CA8: variants seen among roughly 807,000 people sequenced by gnomAD.
CA8 encodes the protein carbonic anhydrase-related protein.
CA8 carries 22 observed loss-of-function variants against 41.4 expected under a neutral mutation model. That is an observed-to-expected ratio of 0.53 (90% CI 0.38 to 0.76). The LOEUF is 0.76. Ranked by LOEUF, CA8 falls within the 30% of genes least tolerant of loss-of-function variation. CA8 has a pLI of 0.00. For synonymous variants in CA8, 121 were observed against 130.6 expected (o/e 0.93, Z 0.50); for missense variants, 270 against 352.8 (o/e 0.77, Z 1.88).
chr8:60,274,730 C>T (rs901141830), intron 2 of CA8, among the ~76,000 whole-genome samples: 2 of 152,134 alleles, frequency 1.3e-5, no homozygotes, highest in Non-Finnish European at 2.9e-5. Flanking sequence ...GACACCAAAT[C>T]TGTCAGCAGC....
At chr8:60,203,331 G>T (rs1426162350) in intron 8 of CA8, among the ~76,000 whole-genome samples, 1 of 152,070 alleles carries the variant, frequency 6.6e-6, no homozygotes, top group African/African-American at 2.4e-5. Flanking sequence ...TTTATTGAAA[G>T]AAAAAGGATA....
chr8:60,209,046 A>C, intron 7 of CA8, 127 bp from the exon 8 acceptor site: 1 of 1,080,084 alleles, frequency 9.3e-7, no homozygotes. Context: ...ATTAAAATTA[A>C]GCTTCAAAAA....
chr8:60,281,246 G>T lies in CA8; in HGVS notation c.-99C>A. The T allele has an allele frequency of 1.2e-6, 1 of 801,426 alleles. No individual in the cohort carries two copies. Among genetic ancestry groups the T allele is most frequent in the Non-Finnish European group, 2.1e-6 (1 of 484,096 alleles). The allele number at this position is 801,426 out of a possible 1,614,324, so 49.6% of individuals were successfully genotyped here. ...GAGCGGAGCGCGCGTGGGGGAGTGT[G>T]AGCACGCGTGAGCGGCAGTGTGAGT... On this transcript the variant is annotated 5_prime_UTR_variant, in exon 1 of 9. Coordinates refer to ENST00000317995, the MANE Select transcript of CA8 (RefSeq NM_004056.6).
intron 3 of CA8, among the ~76,000 whole-genome samples, chr8:60,248,891 G>A (rs975198424): frequency 3.3e-5 from 5 of 152,148 alleles, no homozygotes; most frequent in Non-Finnish European, 7.3e-5. Flanking sequence ...TCCTATTCAT[G>A]AGCATGGAAT....
intron 3 of CA8, among the ~76,000 whole-genome samples, chr8:60,249,930 T>C (rs1252294647): frequency 1.3e-5 from 2 of 152,226 alleles, no homozygotes; most frequent in African/African-American, 4.8e-5. Context: ...AAGGACAACA[T>C]ATGCTACTAT....
chr8:60,213,131 C>A (rs565919386), intron 7 of CA8, among the ~76,000 whole-genome samples: 7 of 152,346 alleles, frequency 4.6e-5, no homozygotes, highest in Admixed American at 3.9e-4. Context: ...CCAATGCTCC[C>A]TCTTCCTTAC....
At chr8:60,243,653 ACCATGTTCC>A (rs1027743265) in intron 3 of CA8, among the ~76,000 whole-genome samples, 2 of 151,890 alleles carry the variant, frequency 1.3e-5, no homozygotes, top group Non-Finnish European at 2.9e-5. Context: ...GAAACTTCTC[ACCATGTTCC>A]CCACTAAATC....
At chr8:60,202,083 GC>G (rs1415210745) in intron 8 of CA8, among the ~76,000 whole-genome samples, 11 of 149,148 alleles carry the variant, frequency 7.4e-5, no homozygotes, top group Non-Finnish European at 1.5e-4. Flanking sequence ...TCGCTCTGTC[GC>G]CCAGGTTGGA....
chr8:60,194,092 T>C (rs1806209690), intron 8 of CA8, among the ~76,000 whole-genome samples: 1 of 152,170 alleles, frequency 6.6e-6, no homozygotes, highest in South Asian at 2.1e-4. Flanking sequence ...TTTCTAAATA[T>C]TCCTTTCTTA....
intron 5 of CA8, among the ~76,000 whole-genome samples, chr8:60,225,643 C>T (rs1346201757): frequency 6.6e-6 from 1 of 152,196 alleles, no homozygotes; most frequent in East Asian, 1.9e-4. Context: ...TAGTATAAAG[C>T]TAATCAAACT....
intron 7 of CA8, among the ~76,000 whole-genome samples, chr8:60,214,225 G>A (rs1352066897): frequency 6.6e-6 from 1 of 152,248 alleles, no homozygotes; most frequent in Non-Finnish European, 1.5e-5. Flanking sequence ...GGCATTTGGT[G>A]AGGGCATTAT....
rs962336893 is a variant in CA8, at chr8:60,185,504, A to G, written c.*4517T>C. On this transcript the variant is annotated 3_prime_UTR_variant, in exon 9 of 9. Transcript: ENST00000317995. ...GCTCAACAAATTCCAAGCAGAATAA[A>G]TACAGACTCACACCCAGATACATCA... Among the ~76,000 whole-genome samples, 1 of 152,122 alleles carries G rather than the reference A, an allele frequency of 6.6e-6. No homozygotes were observed. Among genetic ancestry groups the G allele is most frequent in the Admixed American group, 6.6e-5 (1 of 15,264 alleles).
intron 2 of CA8, among the ~76,000 whole-genome samples, chr8:60,272,061 G>A (rs1476767853): frequency 2.0e-5 from 3 of 152,076 alleles, no homozygotes; most frequent in Non-Finnish European, 4.4e-5. Context: ...TAGGAGGGAG[G>A]GACTCTGCTA....
chr8:60,199,935 A>G (rs1806375242), intron 8 of CA8, among the ~76,000 whole-genome samples: 1 of 152,114 alleles, frequency 6.6e-6, no homozygotes, highest in African/African-American at 2.4e-5. Context: ...CATGTTTCTC[A>G]CCCTTCTGAG....
At chr8:60,201,830 C>A (rs1055971848) in intron 8 of CA8, among the ~76,000 whole-genome samples, 2 of 152,130 alleles carry the variant, frequency 1.3e-5, no homozygotes, top group Non-Finnish European at 2.9e-5. Flanking sequence ...ATTTCCTAAC[C>A]TAGAAGTTTT....
chr8:60,247,761 G>T (rs1489746923), intron 3 of CA8, among the ~76,000 whole-genome samples: 1 of 152,062 alleles, frequency 6.6e-6, no homozygotes, highest in African/African-American at 2.4e-5. Flanking sequence ...ATTCCTTTAG[G>T]TATATACCCA....
At chr8:60,199,035 A>G (rs1470451908) in intron 8 of CA8, among the ~76,000 whole-genome samples, 2 of 152,038 alleles carry the variant, frequency 1.3e-5, no homozygotes, top group Non-Finnish European at 2.9e-5. Flanking sequence ...TCTCTGCAAC[A>G]TAAAGGTTGC....
At chr8:60,232,827 G>C (rs75617984) in intron 3 of CA8, among the ~76,000 whole-genome samples, 1 of 151,964 alleles carries the variant, frequency 6.6e-6, no homozygotes, top group Admixed American at 6.6e-5. Context: ...TCCAGTTCCA[G>C]TAAATTATTT....
chr8:60,266,681 C>G (rs1290416930), intron 2 of CA8, among the ~76,000 whole-genome samples: 4 of 152,204 alleles, frequency 2.6e-5, no homozygotes, highest in Non-Finnish European at 5.9e-5. Flanking sequence ...GACCATGTCT[C>G]TATTTCTCAT....
Sources: gnomAD v4.1 joint callset for allele counts (sites outside exome capture counted in the v4.1 genomes callset) on GRCh38, gnomAD v4.1.1 for gene constraint, MANE v1.5 for transcripts, NCBI Gene and HGNC (gene_info 2026-07-23, HGNC 2026-07-21) for gene names.